The following HCN1 variants were observed in gnomAD, a reference collection of about 807,000 sequenced individuals.
HCN1 encodes the protein potassium/sodium hyperpolarization-activated cyclic nucleotide-gated channel 1.
In HCN1, 13 loss-of-function variants were observed where a neutral mutation model predicts 78.9. That is an observed-to-expected ratio of 0.16 (90% CI 0.11 to 0.26). The LOEUF (loss-of-function observed/expected upper bound fraction) is 0.26, where lower values mean the gene tolerates loss of function less well. Among genes scored for constraint, HCN1 ranks in the 10% least tolerant of loss-of-function variants. The pLI is 1.00. For missense variants in HCN1, 810 were observed against 1,154.3 expected (o/e 0.70, Z 4.32); for synonymous variants, 552 against 455.5 (o/e 1.21, Z -2.70).
intron 3 of HCN1, among the ~76,000 whole-genome samples, chr5:45,434,105 G>T (rs1740517729): frequency 6.6e-6 from 1 of 152,188 alleles, no homozygotes; most frequent in Non-Finnish European, 1.5e-5. Context: ...ATAGCTCAAA[G>T]ATTGCTTTTC....
intron 6 of HCN1, among the ~76,000 whole-genome samples, chr5:45,269,116 G>A (rs934560347): frequency 3.9e-5 from 6 of 152,200 alleles, no homozygotes; most frequent in Admixed American, 3.9e-4. Flanking sequence ...TGCAGAGACA[G>A]ATAACAGATT....
intron 5 of HCN1, among the ~76,000 whole-genome samples, chr5:45,313,051 A>C (rs1745890525): frequency 2.0e-5 from 3 of 152,164 alleles, no homozygotes; most frequent in Non-Finnish European, 4.4e-5. Context: ...GAGATCTGAG[A>C]ACAGACAGAC....
chr5:45,663,616 AAAC>A (rs1440827422), intron 1 of HCN1, among the ~76,000 whole-genome samples: 1 of 147,878 alleles, frequency 6.8e-6, no homozygotes, highest in Non-Finnish European at 1.5e-5. Flanking sequence ...TACAAGAAAA[AAAC>A]AAACAACCCC....
At chr5:45,426,236 G>A (rs1023517639) in intron 3 of HCN1, among the ~76,000 whole-genome samples, 5 of 152,118 alleles carry the variant, frequency 3.3e-5, no homozygotes, top group Non-Finnish European at 7.4e-5. Flanking sequence ...CCATTTTAGG[G>A]CTCACTTATT....
intron 5 of HCN1, among the ~76,000 whole-genome samples, chr5:45,320,304 A>T (rs1446342545): frequency 1.3e-5 from 2 of 151,708 alleles, no homozygotes; most frequent in Non-Finnish European, 2.9e-5. Flanking sequence ...CAAATATCCC[A>T]TTTTTTCTTT....
chr5:45,520,536 T>C (rs1009989805), intron 2 of HCN1, among the ~76,000 whole-genome samples: 2 of 152,044 alleles, frequency 1.3e-5, no homozygotes, highest in Non-Finnish European at 2.9e-5. Flanking sequence ...ATATTTCATG[T>C]ATTAATCTTA....
intron 2 of HCN1, among the ~76,000 whole-genome samples, chr5:45,597,515 A>G (rs994889508): frequency 1.3e-5 from 2 of 152,212 alleles, no homozygotes; most frequent in Non-Finnish European, 2.9e-5. Flanking sequence ...GCACAAGACA[A>G]GGATGCCCTC....
At chr5:45,290,141 G>A (rs1257898565) in intron 6 of HCN1, among the ~76,000 whole-genome samples, 1 of 151,974 alleles carries the variant, frequency 6.6e-6, no homozygotes, top group Non-Finnish European at 1.5e-5. Context: ...TGCACATGCT[G>A]TCTTGCCTGC....
chr5:45,610,669 T>C (rs1337226034), intron 2 of HCN1, among the ~76,000 whole-genome samples: 4 of 151,134 alleles, frequency 2.6e-5, no homozygotes, highest in Non-Finnish European at 1.5e-5. Context: ...CTTAAGATAT[T>C]AATCTGTACT....
chr5:45,271,305 T>C (rs1253922562), intron 6 of HCN1, among the ~76,000 whole-genome samples: 2 of 151,048 alleles, frequency 1.3e-5, no homozygotes, highest in East Asian at 3.9e-4. Flanking sequence ...TGAGGTAGAG[T>C]GCTGTTTGGG....
At chr5:45,349,600 G>C (rs536062522) in intron 5 of HCN1, among the ~76,000 whole-genome samples, 6 of 152,014 alleles carry the variant, frequency 3.9e-5, no homozygotes, top group Admixed American at 1.3e-4. Context: ...TTTTTTGAAA[G>C]GATCAACAAA....
At chr5:45,372,823 C>T (rs555654710) in intron 4 of HCN1, among the ~76,000 whole-genome samples, 41 of 140,278 alleles carry the variant, frequency 2.9e-4, no homozygotes, top group African/African-American at 8.5e-4. Flanking sequence ...AATATATGTA[C>T]GTATTCTATA....
At chr5:45,500,989 T>A (rs1259479902) in intron 2 of HCN1, among the ~76,000 whole-genome samples, 2 of 152,190 alleles carry the variant, frequency 1.3e-5, no homozygotes, top group Admixed American at 6.5e-5. Flanking sequence ...TCATTCTTTA[T>A]CCTAGGAGTT....
At chr5:45,359,961 T>TA (rs1747078330) in intron 4 of HCN1, among the ~76,000 whole-genome samples, 2 of 149,294 alleles carry the variant, frequency 1.3e-5, no homozygotes, top group African/African-American at 4.9e-5. Context: ...ATATATATAT[T>TA]TTTTTTACCT....
At chr5:45,370,369 T>C (rs1747328501) in intron 4 of HCN1, among the ~76,000 whole-genome samples, 1 of 152,026 alleles carries the variant, frequency 6.6e-6, no homozygotes, top group Non-Finnish European at 1.5e-5. Context: ...TACATTAATT[T>C]TTTTTCTATA....
At chr5:45,324,855 A>G (rs1232388394) in intron 5 of HCN1, among the ~76,000 whole-genome samples, 4 of 151,870 alleles carry the variant, frequency 2.6e-5, no homozygotes, top group South Asian at 2.1e-4. Flanking sequence ...AAGTTAAAAT[A>G]AGAATCAAGG....
chr5:45,377,180 G>T (rs1212847965), intron 4 of HCN1, among the ~76,000 whole-genome samples: 1 of 151,958 alleles, frequency 6.6e-6, no homozygotes, highest in African/African-American at 2.4e-5. Context: ...GCCTTGTGAA[G>T]TTGTAGCCTT....
intron 2 of HCN1, among the ~76,000 whole-genome samples, chr5:45,579,883 T>C (rs1160168564): frequency 6.6e-6 from 1 of 152,120 alleles, no homozygotes; most frequent in African/African-American, 2.4e-5. Context: ...GGTAAAAGAC[T>C]GATTTATAGG....
At chr5:45,395,687 C>T (rs1218672974) in intron 4 of HCN1, among the ~76,000 whole-genome samples, 1 of 152,138 alleles carries the variant, frequency 6.6e-6, no homozygotes, top group East Asian at 1.9e-4. Context: ...TGGCAAGGTG[C>T]ATGACTCTGT....
Sources: allele counts gnomAD v4.1 joint callset (sites outside exome capture counted in the v4.1 genomes callset), GRCh38; gene constraint gnomAD v4.1.1; transcripts MANE v1.5; gene names NCBI Gene and HGNC (gene_info 2026-07-23, HGNC 2026-07-21).